ZBTB7C: variants seen among roughly 807,000 people sequenced by gnomAD.
The protein encoded by ZBTB7C is zinc finger and BTB domain containing 7C, also known as zinc finger and BTB domain-containing protein 7C.
In ZBTB7C, 8 loss-of-function variants were observed where a neutral mutation model predicts 25.7. The ratio of observed to expected loss-of-function variants is 0.31; its 90% CI spans 0.18 to 0.56. ZBTB7C has a LOEUF of 0.56. Among genes scored for constraint, ZBTB7C ranks in the 20% least tolerant of loss-of-function variants. The probability of loss-of-function intolerance (pLI) is 0.91; values close to 1 mark genes in which losing one functional copy is unlikely to be tolerated. For missense variants in ZBTB7C, 824 were observed against 855.2 expected, an observed-to-expected ratio of 0.96 and a Z score of 0.46; for synonymous variants, 394 against 369.0, an observed-to-expected ratio of 1.07 and a Z score of -0.78.
intron 1 of ZBTB7C, among the ~76,000 whole-genome samples, chr18:48,383,798 C>T (rs1488628251): frequency 6.6e-6 from 1 of 151,880 alleles, no homozygotes; most frequent in African/African-American, 2.4e-5. Context: ...GCTCTGGAAG[C>T]CAGGCTGGAT....
intron 3 of ZBTB7C, among the ~76,000 whole-genome samples, chr18:48,051,583 G>A (rs1421783856): frequency 7.7e-6 from 1 of 130,672 alleles, no homozygotes; most frequent in Non-Finnish European, 1.7e-5. Flanking sequence ...GTGAAGGTGA[G>A]GCTAAGGTCA....
intron 2 of ZBTB7C, among the ~76,000 whole-genome samples, chr18:48,190,662 T>G (rs1209226779): frequency 2.0e-5 from 3 of 152,110 alleles, no homozygotes; most frequent in Non-Finnish European, 2.9e-5. Context: ...ACAGTGGGAT[T>G]TTATGCCTAG....
chr18:48,389,228 C>CTT (rs2047828744), intron 1 of ZBTB7C, among the ~76,000 whole-genome samples: 2 of 94,088 alleles, frequency 2.1e-5, no homozygotes, highest in African/African-American at 8.4e-5. Context: ...CTCTCTCTCT[C>CTT]TCTCTCTCGT....
At chr18:48,378,156 G>A (rs2047563827) in intron 1 of ZBTB7C, among the ~76,000 whole-genome samples, 1 of 152,120 alleles carries the variant, frequency 6.6e-6, no homozygotes, top group Non-Finnish European at 1.5e-5. Flanking sequence ...AAGGAAGGTT[G>A]GTTAGCAGTC....
At chr18:48,251,250 A>G (rs538436410) in intron 2 of ZBTB7C, among the ~76,000 whole-genome samples, 1 of 152,166 alleles carries the variant, frequency 6.6e-6, no homozygotes, top group Non-Finnish European at 1.5e-5. Context: ...AATAAAGAAT[A>G]TAAAAGAAAA....
intron 1 of ZBTB7C, among the ~76,000 whole-genome samples, chr18:48,379,838 A>C (rs1470277905): frequency 6.6e-6 from 1 of 152,244 alleles, no homozygotes; most frequent in Non-Finnish European, 1.5e-5. Flanking sequence ...TCCTCATCAA[A>C]GAAAACATAC....
At chr18:48,125,102 T>G (rs540046703) in intron 3 of ZBTB7C, among the ~76,000 whole-genome samples, 4 of 152,330 alleles carry the variant, frequency 2.6e-5, no homozygotes, top group East Asian at 3.9e-4. Context: ...ACAGCTACTG[T>G]GTGCTAGATA....
At chr18:48,255,308 G>A (rs1462326597) in intron 2 of ZBTB7C, among the ~76,000 whole-genome samples, 1 of 152,194 alleles carries the variant, frequency 6.6e-6, no homozygotes, top group African/African-American at 2.4e-5. Flanking sequence ...TATTCCATAT[G>A]TTTAAAAAGT....
At chr18:48,233,060 T>C (rs2043293534) in intron 2 of ZBTB7C, among the ~76,000 whole-genome samples, 1 of 152,122 alleles carries the variant, frequency 6.6e-6, no homozygotes, top group Admixed American at 6.5e-5. Flanking sequence ...CTTGAATATG[T>C]CCCCTCCAAA....
intron 2 of ZBTB7C, among the ~76,000 whole-genome samples, chr18:48,206,914 G>T (rs1367757138): frequency 1.3e-5 from 2 of 152,116 alleles, no homozygotes; most frequent in Non-Finnish European, 2.9e-5. Flanking sequence ...ACCATTAAAA[G>T]AGTAAAAACG....
intron 1 of ZBTB7C, among the ~76,000 whole-genome samples, chr18:48,376,651 T>A (rs2145189780): frequency 6.6e-6 from 1 of 152,312 alleles, no homozygotes; most frequent in South Asian, 2.1e-4. Flanking sequence ...AGGCTGTCAC[T>A]CTGCAGTGGC....
chr18:48,126,337 C>T (rs1263260636), intron 3 of ZBTB7C, among the ~76,000 whole-genome samples: 2 of 152,082 alleles, frequency 1.3e-5, no homozygotes, highest in Admixed American at 6.6e-5. Context: ...TTTAATATAC[C>T]CTCTGATACC....
At chr18:48,095,114 A>T (rs191579612) in intron 3 of ZBTB7C, among the ~76,000 whole-genome samples, 1 of 152,270 alleles carries the variant, frequency 6.6e-6, no homozygotes, top group East Asian at 1.9e-4. Context: ...GAACTTTGGC[A>T]ATATAACAGG....
intron 2 of ZBTB7C, among the ~76,000 whole-genome samples, chr18:48,196,732 T>A (rs933153188): frequency 3.3e-5 from 5 of 152,054 alleles, no homozygotes; most frequent in Admixed American, 3.3e-4. Flanking sequence ...ATAGCAAAAG[T>A]CAATATTTAA....
intron 4 of ZBTB7C, among the ~76,000 whole-genome samples, chr18:48,035,806 A>C (rs4940202): frequency 0.5 from 75,728 of 152,142 alleles, 19,320 homozygotes; most frequent in African/African-American, 0.57. Context: ...CCTGGCTTCC[A>C]GACTTTCTGG....
chr18:48,408,163 T>C (rs1274403135), intron 1 of ZBTB7C, among the ~76,000 whole-genome samples: 2 of 152,188 alleles, frequency 1.3e-5, no homozygotes, highest in African/African-American at 2.4e-5. Context: ...CCCTCGGCCT[T>C]GCGCCCGCGC....
chr18:48,089,992 G>C (rs923501738), intron 3 of ZBTB7C, among the ~76,000 whole-genome samples: 2 of 152,258 alleles, frequency 1.3e-5, no homozygotes, highest in African/African-American at 2.4e-5. Context: ...GGTGAAGGAG[G>C]TGGGAGTGTG....
intron 3 of ZBTB7C, among the ~76,000 whole-genome samples, chr18:48,057,357 G>T (rs1364085524): frequency 6.6e-6 from 1 of 152,086 alleles, no homozygotes; most frequent in African/African-American, 2.4e-5. Context: ...CATCAATAGA[G>T]GCTTGCTAGA....
intron 2 of ZBTB7C, among the ~76,000 whole-genome samples, chr18:48,220,833 T>A (rs1298520044): frequency 6.6e-6 from 1 of 152,046 alleles, no homozygotes; most frequent in African/African-American, 2.4e-5. Flanking sequence ...AGGGGTCAAG[T>A]CACTCTCCCT....
Sources: gnomAD v4.1 joint callset for allele counts (sites outside exome capture counted in the v4.1 genomes callset) on GRCh38, gnomAD v4.1.1 for gene constraint, MANE v1.5 for transcripts, NCBI Gene and HGNC (gene_info 2026-07-23, HGNC 2026-07-21) for gene names.